The following YJU2B variants were observed in gnomAD, a reference collection of about 807,000 sequenced individuals.
YJU2B encodes YJU2 splicing factor homolog B, also known as probable splicing factor YJU2B.
A neutral mutation model predicts 38.0 loss-of-function variants in YJU2B; 18 were observed. The observed-to-expected ratio is 0.47, with a 90% CI of 0.33 to 0.70. YJU2B has a LOEUF of 0.70. Among genes scored for constraint, YJU2B ranks in the 30% least tolerant of loss-of-function variants. The pLI, the probability that YJU2B is intolerant of heterozygous loss-of-function variation, is 0.02. For synonymous variants in YJU2B, 246 were observed against 225.4 expected, an observed-to-expected ratio of 1.09 and a Z score of -0.82; for missense variants, 538 against 556.3, an observed-to-expected ratio of 0.97 and a Z score of 0.33.
intron 2 of YJU2B, among the ~76,000 whole-genome samples, chr19:13,735,774 C>T (rs1972926844): frequency 6.6e-6 from 1 of 151,926 alleles, no homozygotes; most frequent in African/African-American, 2.4e-5. Flanking sequence ...CTCTTGCGGC[C>T]GGGTGCGGTG....
At chr19:13,749,487 A>T (rs1427624016) in intron 1 of YJU2B, among the ~76,000 whole-genome samples, 1 of 152,110 alleles carries the variant, frequency 6.6e-6, no homozygotes, top group Non-Finnish European at 1.5e-5. Context: ...AGCAGAGTTG[A>T]GTTGTTGGGG....
Position 13,748,168 on chromosome 19 carries a change from A to G in YJU2B, c.-202+214A>G, listed in dbSNP as rs546075757. ...ACCCAAGTGCCCGGGACCCGGTCCCATCCTAGCCCGGATCCATATTATGCC... is the reference window on the plus strand; with the variant it reads ...ACCCAAGTGCCCGGGACCCGGTCCCGTCCTAGCCCGGATCCATATTATGCC... On this transcript the variant is annotated intron_variant, in intron 1 of 9. Coordinates refer to ENST00000221554, the MANE Select transcript of YJU2B (RefSeq NM_030818.4). 3.9e-5 allele frequency among the ~76,000 whole-genome samples: 6 copies of G among 152,296 alleles called. No homozygotes were observed. In the East Asian group the frequency reaches 1.2e-3, roughly 29 times the overall value.
chr19:13,757,270 C>T lies in YJU2B; in HGVS notation c.141-148C>T, dbSNP rs1973700199. Reference sequence around the variant, plus strand: ...TCTTTTTCTTCCATATATCCATTTCCTGTGTAATGTGAGTGCAGCAACTCC... The same window carrying T: ...TCTTTTTCTTCCATATATCCATTTCTTGTGTAATGTGAGTGCAGCAACTCC... On this transcript the variant is annotated intron_variant, in intron 4 of 9. Transcript: ENST00000221554. The T allele has an allele frequency of 9.6e-6, 6 of 625,410 alleles. No individual in the cohort carries two copies. The East Asian group carries it at 1.4e-4, about 14-fold the overall frequency. 38.7% of individuals were successfully genotyped at this position (625,410 alleles called of 1,614,324 possible). A position where few individuals can be genotyped will look rare whatever the true frequency, so the allele number is the denominator to read the frequency against.
intron 1 of YJU2B, 44 bp from the exon 2 acceptor site, chr19:13,751,564 G>A (rs1195294991): frequency 1.8e-5 from 10 of 553,114 alleles, no homozygotes; most frequent in East Asian, 5.9e-5. Context: ...GATGTGATGC[G>A]TATATTGGCT....
chr19:13,745,731 A>ATC (rs1568281133), upstream of YJU2B, among the ~76,000 whole-genome samples: 1 of 55,650 alleles, frequency 1.8e-5, no homozygotes, highest in East Asian at 6.7e-4. Flanking sequence ...AGATATCTAT[A>ATC]TATATATATA....
intron 2 of YJU2B, among the ~76,000 whole-genome samples, chr19:13,752,658 C>A (rs1170687578): frequency 1.3e-5 from 2 of 152,026 alleles, no homozygotes; most frequent in African/African-American, 2.4e-5. Context: ...GCAGGAGAAT[C>A]GCTTGAACCC....
rs561136616 is a variant in YJU2B, at chr19:13,738,754, G to A, written c.-202+6469G>A. ...AAAATACAAAAATTAGCCGGGCATG[G>A]TGGTGGGTGCCTATAGTCCCAGCTA... On this transcript the variant is annotated intron_variant, in intron 2 of 10. Transcript: ENST00000586600. 5.3e-5 allele frequency among the ~76,000 whole-genome samples: 8 copies of A among 152,244 alleles called. 1 individual carries two copies. In the South Asian group the frequency reaches 1.7e-3, roughly 32 times the overall value.
Position 13,762,678 on chromosome 19 carries a change from G to C in YJU2B, c.801G>C (p.Lys267Asn). 2 of 1,598,982 alleles carry C rather than the reference G, an allele frequency of 1.3e-6. No homozygotes were observed. Residue 267 changes from lysine (K) to asparagine (N), a missense_variant, in exon 10 of 10, where the codon AAG (lysine) becomes AAC (asparagine). Coordinates refer to ENST00000221554, the MANE Select transcript of YJU2B (RefSeq NM_030818.4). ...CCCCCGGATCCGCCTCCAGCAGCAA[G>C]GTCAGCGGCGTCCTGAAGAAGCTGG... ...PSAPGSASSS[K>N]VSGVLKKLAQ...
At position 13,757,781 on chromosome 19, in the gene YJU2B, T is replaced by C; in HGVS notation, c.197-5T>C. 6.2e-7 allele frequency: 1 copy of C among 1,613,758 alleles called. No homozygotes were observed. The highest frequency in any genetic ancestry group is 1.3e-5 in the African/African-American group (1 of 74,924). On this transcript the variant is annotated splice_polypyrimidine_tract_variant and splice_region_variant and intron_variant, in intron 5 of 9. Transcript: ENST00000221554. ...AATTACCACCCCCGCCTGACCCCCT[T>C]CCAGGTGTTCGTTACAATGCAGAAA...
upstream of YJU2B, among the ~76,000 whole-genome samples, chr19:13,745,710 T>C (rs997127331): frequency 0.016 from 413 of 25,094 alleles, 9 homozygotes; most frequent in African/African-American, 0.067. Flanking sequence ...TATAGATATC[T>C]ATAGATCTAT....
At chr19:13,744,611 T>C (rs1027624962), upstream of YJU2B, among the ~76,000 whole-genome samples, 1 of 152,176 alleles carries the variant, frequency 6.6e-6, no homozygotes, top group Non-Finnish European at 1.5e-5. Flanking sequence ...GCTTGGGGTC[T>C]CGTAAAAAAG....
chr19:13,738,000 C>G (rs1243909082), intron 2 of YJU2B, among the ~76,000 whole-genome samples: 2 of 152,168 alleles, frequency 1.3e-5, no homozygotes, highest in Non-Finnish European at 2.9e-5. Context: ...TGCTTCGAAA[C>G]AGGCCATCTG....
At position 13,762,944 on chromosome 19, in the gene YJU2B, G is replaced by A. The variant is rs771859681; in HGVS notation, c.1067G>A (p.Arg356His). 1.1e-5 allele frequency: 18 copies of A among 1,611,634 alleles called. No homozygotes were observed. Among genetic ancestry groups the A allele is most frequent in the Middle Eastern group, 1.6e-4 (1 of 6,074 alleles). Residue 356 changes from arginine to histidine, a missense_variant, in exon 10 of 10, where the codon CGT becomes CAT. Arg to His is a conservative substitution (Grantham distance 29). Coordinates refer to ENST00000221554, the MANE Select transcript of YJU2B (RefSeq NM_030818.4). ...CSSPRGQEGS[R>H]QDKPLSPAGS... is the part of the protein sequence containing the mutation. ...AGCCCGAGGGGGCAGGAAGGGAGCC[G>A]TCAGGACAAGCCCCTGTCGCCAGCA... is the stretch of plus-strand genomic sequence containing the variant.
intron 2 of YJU2B, 103 bp downstream of exon 2, chr19:13,751,914 A>T: frequency 8.9e-7 from 1 of 1,118,472 alleles, no homozygotes. Flanking sequence ...GATGATTTCA[A>T]TCTCCGGGTC....
intron 2 of YJU2B, among the ~76,000 whole-genome samples, chr19:13,741,156 T>C (rs1320241251): frequency 2.0e-5 from 3 of 147,862 alleles, no homozygotes; most frequent in African/African-American, 5.0e-5. Context: ...GATTTCTTTT[T>C]TTTTTTTTTT....
upstream of YJU2B, among the ~76,000 whole-genome samples, chr19:13,744,718 G>T (rs1257555461): frequency 6.6e-6 from 1 of 152,170 alleles, no homozygotes; most frequent in Admixed American, 6.5e-5. Flanking sequence ...GTTAGGCCGG[G>T]CGCAGTGGCT....
intron 2 of YJU2B, among the ~76,000 whole-genome samples, chr19:13,742,669 T>C (rs1335901938): frequency 6.6e-6 from 1 of 152,212 alleles, no homozygotes; most frequent in African/African-American, 2.4e-5. Flanking sequence ...CCCAGGCTGA[T>C]GTTCAGGCTC....
rs552760557 is a variant in YJU2B, at chr19:13,735,815, A to G, written c.-202+3530A>G. Among the ~76,000 whole-genome samples the G allele has an allele frequency of 1.6e-3, 241 of 152,132 alleles. 1 individual carries two copies. Among genetic ancestry groups the G allele is most frequent in the Non-Finnish European group, 2.5e-3 (173 of 67,986 alleles). ...CGCCTGTAATCCCAGCACTTTGGGA[A>G]GCCAAGGCGGGCGGATCACGAGGTC... On this transcript the variant is annotated intron_variant, in intron 2 of 10. Coordinates refer to the YJU2B transcript ENST00000586600.
At chr19:13,733,807 C>T (rs1447205452) in intron 2 of YJU2B, among the ~76,000 whole-genome samples, 2 of 152,200 alleles carry the variant, frequency 1.3e-5, no homozygotes, top group Non-Finnish European at 1.5e-5. Context: ...CAGACATTGC[C>T]CCTGAAGGGG....
Sources: allele counts gnomAD v4.1 joint callset (sites outside exome capture counted in the v4.1 genomes callset), GRCh38; gene constraint gnomAD v4.1.1; transcripts MANE v1.5; gene names NCBI Gene and HGNC (gene_info 2026-07-23, HGNC 2026-07-21).